SLC24A4: variants seen among roughly 807,000 people sequenced by gnomAD.
SLC24A4 encodes the protein sodium/potassium/calcium exchanger 4.
A neutral mutation model predicts 79.0 loss-of-function variants in SLC24A4; 53 were observed. The ratio of observed to expected loss-of-function variants is 0.67; its 90% CI spans 0.54 to 0.84. The LOEUF (loss-of-function observed/expected upper bound fraction) is 0.84. SLC24A4 is among the 40% of genes least tolerant of loss of function. The pLI is 0.00. For synonymous variants in SLC24A4, 323 were observed against 323.8 expected, an observed-to-expected ratio of 1.00 and a Z score of 0.03; for missense variants, 731 against 822.0, an observed-to-expected ratio of 0.89 and a Z score of 1.35.
intron 2 of SLC24A4, among the ~76,000 whole-genome samples, chr14:92,400,472 AATAC>A (rs1245927740): frequency 6.6e-6 from 1 of 151,840 alleles, no homozygotes; most frequent in Non-Finnish European, 1.5e-5. Context: ...TTGGGGGAAA[AATAC>A]ATACACACAG....
intron 5 of SLC24A4, 126 bp downstream of exon 5, chr14:92,442,299 C>T: frequency 4.3e-6 from 3 of 695,620 alleles, no homozygotes; most frequent in African/African-American, 3.6e-5. Context: ...ATTGGAGAGG[C>T]AGTAAGTAGA....
At position 92,490,165 on chromosome 14, in the gene SLC24A4, G is replaced by A. The variant is rs1021815878; in HGVS notation, c.1538-1500G>A. ...TGGGTGCCGATCTGAGTTGCCTGCC[G>A]TATGTGCCAGCTACCAAAGCAATGT... On this transcript the variant is annotated intron_variant, in intron 14 of 16. Coordinates refer to ENST00000532405, the MANE Select transcript of SLC24A4 (RefSeq NM_153646.4). The surrounding 1 kb of genome is among the most constrained non-coding windows in gnomAD (Gnocchi z 4.3). Among the ~76,000 whole-genome samples, 8 of 152,222 alleles carry A rather than the reference G, an allele frequency of 5.3e-5. No homozygotes were observed. The highest frequency in any genetic ancestry group is 2.1e-4 in the South Asian group (1 of 4,830).
intron 2 of SLC24A4, among the ~76,000 whole-genome samples, chr14:92,406,760 A>G (rs369554301): frequency 6.6e-5 from 10 of 152,082 alleles, no homozygotes; most frequent in East Asian, 1.9e-4. Flanking sequence ...GGCCCTGCCT[A>G]TGAAACCACT....
At chr14:92,462,463 T>G (rs1456651375) in intron 12 of SLC24A4, 1 of 152,144 alleles carries the variant, frequency 6.6e-6, no homozygotes, top group African/African-American at 2.4e-5. Flanking sequence ...AGTGGCATGA[T>G]CTCCGCTGAC....
intron 2 of SLC24A4, among the ~76,000 whole-genome samples, chr14:92,351,907 AAGGAAAGG>A (rs141377786): frequency 1.4e-4 from 11 of 76,286 alleles, no homozygotes; most frequent in East Asian, 6.9e-4. Flanking sequence ...GAAAGGAAGG[AAGGAAAGG>A]AAGGAAAGGA....
intron 2 of SLC24A4, among the ~76,000 whole-genome samples, chr14:92,419,479 A>G (rs991538784): frequency 4.6e-5 from 7 of 152,332 alleles, no homozygotes; most frequent in African/African-American, 9.6e-5. Flanking sequence ...CATGTTGGCA[A>G]TGATGGAAGT....
intron 2 of SLC24A4, among the ~76,000 whole-genome samples, chr14:92,431,423 G>C (rs539998778): frequency 1.1e-3 from 168 of 152,350 alleles, no homozygotes; most frequent in Non-Finnish European, 1.2e-3. Context: ...GCACGGAACA[G>C]CTGTGTGGGA....
intron 2 of SLC24A4, among the ~76,000 whole-genome samples, chr14:92,383,758 T>C (rs1888985871): frequency 6.6e-6 from 1 of 151,018 alleles, no homozygotes; most frequent in South Asian, 2.1e-4. Flanking sequence ...AGATGAGAGA[T>C]GCTTCCCAGA....
rs990049100 is a variant in SLC24A4 at position 92,398,471 on chromosome 14, G to A, written c.242-35441G>A. 1.3e-5 allele frequency among the ~76,000 whole-genome samples: 2 copies of A among 152,112 alleles called. No individual in the cohort carries two copies. The highest frequency in any genetic ancestry group is 6.5e-5 in the Admixed American group (1 of 15,274). On this transcript the variant is annotated intron_variant, in intron 2 of 16. Coordinates refer to ENST00000532405, the MANE Select transcript of SLC24A4 (RefSeq NM_153646.4). This position sits in a 1 kb window ranked among gnomAD's most constrained non-coding sequence, Gnocchi z 4.1. The stretch of plus-strand genomic sequence containing the variant: ...CTATTGGAGGTGGGAAAGAGAGAAG[G>A]GAAAGAGTACAGAACAGGGCAGCCT...
At chr14:92,352,269 T>G (rs1282457876) in intron 2 of SLC24A4, among the ~76,000 whole-genome samples, 1 of 152,076 alleles carries the variant, frequency 6.6e-6, no homozygotes, top group Admixed American at 6.5e-5. Flanking sequence ...AAAGGAAGGA[T>G]GTTTAACTTG....
rs201737710 is a variant in SLC24A4 at position 92,493,595 on chromosome 14, C to T, written c.1836C>T (p.Phe612=). 32 of 1,614,182 alleles carry T rather than the reference C, an allele frequency of 2.0e-5. No homozygotes were observed. The Admixed American group carries it at 3.7e-4, about 18-fold the overall frequency. The change falls in exon 17 of 17, where the codon TTC becomes TTT. Residue 612 remains phenylalanine (F), a synonymous_variant. Transcript: ENST00000532405. ...TGATAGAGTTTAACGTCTTTACCTT[C>T]GTCAACTTGCCGATGTGCCGGGAAG... The part of the protein sequence containing the change: ...SIMIEFNVFT[F]VNLPMCREDD
At chr14:92,347,791 G>T (rs1172206804) in intron 2 of SLC24A4, among the ~76,000 whole-genome samples, 2 of 152,126 alleles carry the variant, frequency 1.3e-5, no homozygotes, top group African/African-American at 4.8e-5. Context: ...GCCAGGCTTG[G>T]TGGTGGGCAT....
Position 92,445,333 on chromosome 14 carries a change from A to G in SLC24A4, c.674A>G (p.Gln225Arg). 6.2e-7 allele frequency: 1 copy of G among 1,614,138 alleles called. No homozygotes were observed. Reference sequence around the variant, plus strand: ...GCCTTACAGTTCATATATGATGAACAAATTGTGTGGTAAGTTTTTCAAGTG... The same window carrying G: ...GCCTTACAGTTCATATATGATGAACGAATTGTGTGGTAAGTTTTTCAAGTG... ...IVLIVFIYDE[Q>R]IVWWEGLVLI... Residue 225 changes from glutamine (Q) to arginine (R), a missense_variant, in exon 8 of 17, where the codon CAA (glutamine) becomes CGA (arginine). Gln to Arg is a conservative substitution (Grantham distance 43). Transcript: ENST00000532405.
chr14:92,326,381 T>C (rs2141586907), intron 2 of SLC24A4, among the ~76,000 whole-genome samples: 1 of 152,294 alleles, frequency 6.6e-6, no homozygotes. Context: ...TGCTTTGAGG[T>C]GGCCCACCAG....
At chr14:92,439,009 C>T (rs1030774276) in intron 3 of SLC24A4, among the ~76,000 whole-genome samples, 14 of 152,114 alleles carry the variant, frequency 9.2e-5, no homozygotes, top group African/African-American at 2.4e-4. Flanking sequence ...CCCGAGGTTC[C>T]GGGGGGTTTC....
At chr14:92,399,875 G>A (rs1304424470) in intron 2 of SLC24A4, among the ~76,000 whole-genome samples, 2 of 152,092 alleles carry the variant, frequency 1.3e-5, no homozygotes, top group East Asian at 1.9e-4. Context: ...GGGAGGAGTC[G>A]ATGGCAGGTG....
intron 12 of SLC24A4, among the ~76,000 whole-genome samples, chr14:92,473,557 T>C (rs1291933506): frequency 3.3e-5 from 5 of 152,194 alleles, no homozygotes; most frequent in South Asian, 4.1e-4. Flanking sequence ...GTATCAAAAC[T>C]AGCTAGATCT....
chr14:92,323,037 G>C (rs1055567110), upstream of SLC24A4, among the ~76,000 whole-genome samples: 19 of 149,492 alleles, frequency 1.3e-4, no homozygotes, highest in Non-Finnish European at 2.8e-4. This position sits in a 1 kb window ranked among gnomAD's most constrained non-coding sequence, Gnocchi z 4.9. Flanking sequence ...CTACTGAAGA[G>C]AAGAGTGCAC....
chr14:92,340,389 T>C (rs1423521263), intron 2 of SLC24A4, among the ~76,000 whole-genome samples: 1 of 152,246 alleles, frequency 6.6e-6, no homozygotes, highest in Non-Finnish European at 1.5e-5. Flanking sequence ...ATTTGAGCTG[T>C]GCTTTGACGC....
Sources: allele counts gnomAD v4.1 joint callset (sites outside exome capture counted in the v4.1 genomes callset), GRCh38; gene constraint gnomAD v4.1.1; non-coding constraint Gnocchi (gnomAD v3.1); transcripts MANE v1.5; gene names NCBI Gene and HGNC (gene_info 2026-07-23, HGNC 2026-07-21).